Variants in LRRC37A2 observed in about 807,000 individuals in gnomAD.
The protein encoded by LRRC37A2 is leucine-rich repeat-containing protein 37A2.
LRRC37A2 carries 9 observed loss-of-function variants against 68.8 expected under a neutral mutation model. The ratio of observed to expected loss-of-function variants is 0.13; its 90% CI spans 0.08 to 0.23. The LOEUF (loss-of-function observed/expected upper bound fraction) is 0.23, where lower values mean the gene tolerates loss of function less well. Ranked by LOEUF, LRRC37A2 falls within the 10% of genes least tolerant of loss-of-function variation. LRRC37A2 has a pLI of 1.00. For missense variants in LRRC37A2, 168 were observed against 950.4 expected (o/e 0.18, Z 10.82); for synonymous variants, 63 against 367.6 (o/e 0.17, Z 9.48).
chr17:46,667,465 T>C, the LRRC37A2 span, among the ~76,000 whole-genome samples: 2 of 144,618 alleles, frequency 1.4e-5, no homozygotes, highest in African/African-American at 5.0e-5. Flanking sequence ...ATTTTCTTTT[T>C]TTTTTTTTTT....
At chr17:46,876,295 C>G in the LRRC37A2 span, 32 of 1,614,104 alleles carry the variant, frequency 2.0e-5, no homozygotes, top group Non-Finnish European at 2.5e-5. Flanking sequence ...GCGTATCAGG[C>G]TCCTGTGCCG....
chr17:47,011,908 T>G, the LRRC37A2 span, among the ~76,000 whole-genome samples: 3 of 152,304 alleles, frequency 2.0e-5, no homozygotes, highest in Admixed American at 2.0e-4. Flanking sequence ...TCACTGGAGA[T>G]GTTAATTTTG....
At chr17:46,797,348 C>T in the LRRC37A2 span, among the ~76,000 whole-genome samples, 145 of 152,250 alleles carry the variant, frequency 9.5e-4, 1 homozygote, top group Middle Eastern at 3.4e-3. Context: ...CCCAGGAAGA[C>T]GGCAGCTCCA....
the LRRC37A2 span, among the ~76,000 whole-genome samples, chr17:46,805,162 C>T: frequency 6.6e-6 from 1 of 152,030 alleles, no homozygotes; most frequent in Admixed American, 6.6e-5. Context: ...CCCTGGTCCT[C>T]AAGTGCAAAC....
chr17:46,938,762 C>T, the LRRC37A2 span: 1 of 1,613,670 alleles, frequency 6.2e-7, no homozygotes, highest in East Asian at 2.2e-5. Flanking sequence ...CTGACATGAG[C>T]CAGCCACGCT....
At chr17:46,544,854 C>G (rs1301942540) in intron 8 of LRRC37A2, among the ~76,000 whole-genome samples, 3 of 131,076 alleles carry the variant, frequency 2.3e-5, no homozygotes, top group African/African-American at 9.2e-5. Flanking sequence ...AGAATCCAAT[C>G]AAAGATCAGG....
the LRRC37A2 span, chr17:46,756,567 G>A: frequency 6.6e-6 from 1 of 152,422 alleles, no homozygotes; most frequent in African/African-American, 2.4e-5. Flanking sequence ...GTGAAAGATA[G>A]GTATGGAAAA....
the LRRC37A2 span, chr17:46,711,082 C>T: frequency 6.4e-7 from 1 of 1,574,262 alleles, no homozygotes; most frequent in Non-Finnish European, 8.6e-7. Context: ...AGACTAAGAA[C>T]AGTGACCGCA....
the LRRC37A2 span, chr17:46,749,683 A>G: frequency 8.1e-7 from 1 of 1,235,094 alleles, no homozygotes. Flanking sequence ...AGATTAAATA[A>G]AAGTCTTTTG....
chr17:46,785,518 G>T, the LRRC37A2 span, among the ~76,000 whole-genome samples: 1 of 152,228 alleles, frequency 6.6e-6, no homozygotes, highest in Non-Finnish European at 1.5e-5. Flanking sequence ...AGGAGCCCCG[G>T]AAACTCACTA....
At chr17:46,818,691 A>C in the LRRC37A2 span, 2 of 1,258,954 alleles carry the variant, frequency 1.6e-6, no homozygotes, top group Non-Finnish European at 2.3e-6. Flanking sequence ...GAGATTGGAA[A>C]TGACTTTCGG....
At chr17:46,525,570 G>A (rs1484172533) in intron 6 of LRRC37A2, among the ~76,000 whole-genome samples, 1 of 105,354 alleles carries the variant, frequency 9.5e-6, no homozygotes, top group Non-Finnish European at 2.1e-5. Context: ...CTGAGGGACA[G>A]AGTGAGACTC....
the LRRC37A2 span, chr17:46,755,329 C>T: frequency 9.9e-6 from 16 of 1,613,216 alleles, no homozygotes; most frequent in African/African-American, 2.7e-5. Context: ...TCCTGAATAC[C>T]GTGTGAGAAA....
At chr17:46,438,368 C>T in the LRRC37A2 span, among the ~76,000 whole-genome samples, 4 of 75,084 alleles carry the variant, frequency 5.3e-5, no homozygotes, top group Non-Finnish European at 1.1e-4. Flanking sequence ...ATGGGTTGAA[C>T]TTATAATATT....
the LRRC37A2 span, among the ~76,000 whole-genome samples, chr17:46,497,699 T>C: frequency 6.7e-6 from 1 of 149,180 alleles, no homozygotes; most frequent in African/African-American, 2.6e-5. Context: ...ACATTGTGTA[T>C]GTATGTAGAT....
chr17:46,722,301 T>A, the LRRC37A2 span: 1 of 757,802 alleles, frequency 1.3e-6, no homozygotes, highest in Non-Finnish European at 2.3e-6. Flanking sequence ...CCTTCTTACC[T>A]CCAGCCTCAG....
the LRRC37A2 span, among the ~76,000 whole-genome samples, chr17:46,867,517 A>C: frequency 6.6e-6 from 1 of 152,246 alleles, no homozygotes; most frequent in Non-Finnish European, 1.5e-5. Flanking sequence ...TTGGGGCATG[A>C]GATCCTTGGG....
chr17:46,930,482 C>T, the LRRC37A2 span: 2 of 152,868 alleles, frequency 1.3e-5, no homozygotes, highest in African/African-American at 4.8e-5. Context: ...TATCGTATCT[C>T]TTTACCTCTG....
the LRRC37A2 span, among the ~76,000 whole-genome samples, chr17:46,568,906 T>C: frequency 7.5e-6 from 1 of 132,778 alleles, no homozygotes; most frequent in Non-Finnish European, 1.6e-5. Flanking sequence ...ACAAAGCAGA[T>C]GTAGAAAAGA....
Sources: gnomAD v4.1 joint callset for allele counts (sites outside exome capture counted in the v4.1 genomes callset) on GRCh38, gnomAD v4.1.1 for gene constraint, MANE v1.5 for transcripts, NCBI Gene and HGNC (gene_info 2026-07-23, HGNC 2026-07-21) for gene names.